Variants in CPNE4 observed in about 807,000 individuals in gnomAD.
The protein encoded by CPNE4 is copine-4.
CPNE4 carries 25 observed loss-of-function variants against 67.9 expected under a neutral mutation model. The observed-to-expected ratio is 0.37, with a 90% confidence interval of 0.27 to 0.51. The LOEUF is 0.51. CPNE4 is among the 20% of genes least tolerant of loss of function. CPNE4 has a pLI of 0.93. For synonymous variants in CPNE4, 242 were observed against 244.9 expected, an observed-to-expected ratio of 0.99 and a Z score of 0.11; for missense variants, 464 against 690.8, an observed-to-expected ratio of 0.67 and a Z score of 3.68.
At chr3:131,648,298 A>C (rs921380537) in intron 7 of CPNE4, among the ~76,000 whole-genome samples, 2 of 152,236 alleles carry the variant, frequency 1.3e-5, no homozygotes, top group Non-Finnish European at 2.9e-5. Context: ...GCTTGAGCCC[A>C]GGAAGCCAAG....
chr3:131,848,784 A>G (rs1160849110), intron 2 of CPNE4, among the ~76,000 whole-genome samples: 2 of 151,864 alleles, frequency 1.3e-5, no homozygotes, highest in South Asian at 4.1e-4. Flanking sequence ...AGCACAAACC[A>G]GGCCAAGAGC....
intron 2 of CPNE4, among the ~76,000 whole-genome samples, chr3:131,760,544 CA>C (rs1467414834): frequency 7.2e-5 from 11 of 152,290 alleles, no homozygotes; most frequent in Non-Finnish European, 1.5e-4. Flanking sequence ...GAGGTCATCT[CA>C]GCTCCAAATG....
chr3:131,551,793 TAGAAAAC>T (rs1936187652), intron 13 of CPNE4, among the ~76,000 whole-genome samples: 1 of 152,078 alleles, frequency 6.6e-6, no homozygotes, highest in Non-Finnish European at 1.5e-5. Context: ...TTGGCTCTGT[TAGAAAAC>T]AGAAAAAATC....
At chr3:131,668,946 T>C (rs929754005) in intron 7 of CPNE4, among the ~76,000 whole-genome samples, 1 of 152,196 alleles carries the variant, frequency 6.6e-6, no homozygotes, top group Admixed American at 6.5e-5. Flanking sequence ...TCTATCTCCT[T>C]ACCTTTTAAA....
chr3:131,940,469 T>C (rs1217529660), intron 1 of CPNE4, among the ~76,000 whole-genome samples: 1 of 152,120 alleles, frequency 6.6e-6, no homozygotes, highest in Non-Finnish European at 1.5e-5. Context: ...ATAAAAAGCA[T>C]AATAAAATAT....
intron 2 of CPNE4, among the ~76,000 whole-genome samples, chr3:131,794,293 A>G (rs1483437825): frequency 1.3e-5 from 2 of 150,432 alleles, no homozygotes; most frequent in Non-Finnish European, 2.9e-5. Context: ...GCTGGAGTGC[A>G]GTGGCATCAT....
intron 2 of CPNE4, among the ~76,000 whole-genome samples, chr3:131,728,696 G>T (rs1025634723): frequency 6.6e-6 from 1 of 151,898 alleles, no homozygotes; most frequent in African/African-American, 2.4e-5. Flanking sequence ...GGATCACGAG[G>T]TCAGGAGATG....
intron 2 of CPNE4, among the ~76,000 whole-genome samples, chr3:131,880,194 C>A: frequency 6.6e-6 from 1 of 150,444 alleles, no homozygotes; most frequent in Non-Finnish European, 1.5e-5. Flanking sequence ...TGGCTCACTG[C>A]AAGCTCCGCC....
At chr3:132,001,548 AAAAAG>A (rs1394139146) in intron 1 of CPNE4, among the ~76,000 whole-genome samples, 9 of 136,680 alleles carry the variant, frequency 6.6e-5, no homozygotes, top group Admixed American at 5.2e-4. Flanking sequence ...GAGACAAAGA[AAAAAG>A]AGAAAGAAAG....
chr3:131,903,044 C>T (rs1342817781), intron 2 of CPNE4, among the ~76,000 whole-genome samples: 5 of 152,100 alleles, frequency 3.3e-5, no homozygotes, highest in African/African-American at 7.2e-5. Context: ...GCTATCAAGC[C>T]TTTCTTTCAG....
chr3:131,574,933 C>T (rs1019564478), intron 10 of CPNE4, 138 bp downstream of exon 10: 13 of 679,216 alleles, frequency 1.9e-5, no homozygotes, highest in Admixed American at 1.4e-4. Flanking sequence ...CGATACCATA[C>T]GCTTCAACAA....
chr3:131,969,838 G>A (rs1490147105), intron 1 of CPNE4, among the ~76,000 whole-genome samples: 1 of 152,142 alleles, frequency 6.6e-6, no homozygotes, highest in Non-Finnish European at 1.5e-5. Context: ...TCAGACCTAA[G>A]GACCTCAGTT....
chr3:132,005,250 A>G (rs935329804), intron 1 of CPNE4, among the ~76,000 whole-genome samples: 2 of 149,666 alleles, frequency 1.3e-5, no homozygotes, highest in East Asian at 1.9e-4. Flanking sequence ...CTGTCAAGTT[A>G]GCATGACCTA....
intron 6 of CPNE4, among the ~76,000 whole-genome samples, chr3:131,679,319 C>A (rs2080671951): frequency 6.6e-6 from 1 of 151,462 alleles, no homozygotes; most frequent in African/African-American, 2.4e-5. Flanking sequence ...GAATCTTCTC[C>A]CTTTTCTTCT....
chr3:131,648,721 T>G (rs55671294), intron 7 of CPNE4, among the ~76,000 whole-genome samples: 6,971 of 152,296 alleles, frequency 0.046, 197 homozygotes, highest in Non-Finnish European at 0.064. Flanking sequence ...TGGAATACAG[T>G]AGACAATCTA....
chr3:131,676,728 C>A (rs555033560), intron 6 of CPNE4, among the ~76,000 whole-genome samples: 46 of 152,296 alleles, frequency 3.0e-4, no homozygotes, highest in African/African-American at 1.1e-3. Context: ...TTTTTTATGG[C>A]TGCATAGTAT....
chr3:131,945,467 T>C (rs922920190), intron 1 of CPNE4, among the ~76,000 whole-genome samples: 4 of 152,188 alleles, frequency 2.6e-5, no homozygotes, highest in African/African-American at 9.7e-5. Context: ...ACAGAATAGT[T>C]TGGGAACTAG....
chr3:131,816,458 T>A (rs2084747489), intron 2 of CPNE4, among the ~76,000 whole-genome samples: 1 of 152,228 alleles, frequency 6.6e-6, no homozygotes, highest in African/African-American at 2.4e-5. Context: ...AATCATTTAC[T>A]TTTCCTAGCT....
chr3:131,892,276 T>C (rs2088146446), intron 2 of CPNE4, among the ~76,000 whole-genome samples: 1 of 152,104 alleles, frequency 6.6e-6, no homozygotes, highest in African/African-American at 2.4e-5. Flanking sequence ...TAACTACCTC[T>C]TACCCTCATG....
Sources: gnomAD v4.1 joint callset for allele counts (sites outside exome capture counted in the v4.1 genomes callset) on GRCh38, gnomAD v4.1.1 for gene constraint, MANE v1.5 for transcripts, NCBI Gene and HGNC (gene_info 2026-07-23, HGNC 2026-07-21) for gene names.